The following NEBL variants were observed in gnomAD, a reference collection of about 807,000 sequenced individuals.
NEBL encodes the protein nebulette.
In NEBL, 122 loss-of-function variants were observed where a neutral mutation model predicts 140.2. That is an observed-to-expected ratio of 0.87 (90% CI 0.75 to 1.01). NEBL has a LOEUF of 1.01. NEBL is among the 50% of genes least tolerant of loss of function. NEBL has a pLI of 0.00. For missense variants in NEBL, 1,365 were observed against 1,231.3 expected, an observed-to-expected ratio of 1.11 and a Z score of -1.62; for synonymous variants, 436 against 398.9, an observed-to-expected ratio of 1.09 and a Z score of -1.11.
intron 4 of NEBL, among the ~76,000 whole-genome samples, chr10:20,959,112 A>G (rs537762506): frequency 6.6e-6 from 1 of 152,326 alleles, no homozygotes; most frequent in South Asian, 2.1e-4. Context: ...CAGCTAAGAA[A>G]GAGCCACACA....
chr10:20,800,502 C>A (rs10218859), intron 26 of NEBL, among the ~76,000 whole-genome samples: 1,746 of 152,232 alleles, frequency 0.011, 25 homozygotes, highest in African/African-American at 0.039. Context: ...AGAAGAGGAA[C>A]TGCTGAGTTG....
chr10:20,930,323 A>G (rs1205435853), intron 4 of NEBL, among the ~76,000 whole-genome samples: 3 of 152,144 alleles, frequency 2.0e-5, no homozygotes, highest in Non-Finnish European at 4.4e-5. Context: ...ATCTATCTCC[A>G]AAGCAAAACT....
chr10:21,251,982 A>G (rs1564550080), intron 1 of NEBL, among the ~76,000 whole-genome samples: 1 of 151,652 alleles, frequency 6.6e-6, no homozygotes, highest in Non-Finnish European at 1.5e-5. Context: ...AACCAGCCCC[A>G]CCTCCCAGGA....
chr10:20,807,064 G>A (rs146434756), intron 26 of NEBL, among the ~76,000 whole-genome samples: 302 of 152,252 alleles, frequency 2.0e-3, no homozygotes, highest in African/African-American at 5.4e-3. Context: ...AGTGGCTCAC[G>A]CCTCTGATCC....
chr10:20,798,973 G>A (rs187179910), intron 26 of NEBL, among the ~76,000 whole-genome samples: 422 of 152,144 alleles, frequency 2.8e-3, no homozygotes, highest in Non-Finnish European at 4.9e-3. Context: ...TTCGCTGCCC[G>A]AAACTTTTTC....
intron 12 of NEBL, among the ~76,000 whole-genome samples, chr10:20,844,203 T>C (rs1002814382): frequency 5.3e-5 from 8 of 152,156 alleles, no homozygotes; most frequent in Non-Finnish European, 1.0e-4. Flanking sequence ...ATTTGCTTAT[T>C]AAAGAAGTTC....
chr10:21,054,860 A>C (rs1392177922), intron 2 of NEBL, among the ~76,000 whole-genome samples: 2 of 152,220 alleles, frequency 1.3e-5, no homozygotes, highest in Non-Finnish European at 2.9e-5. Context: ...CAATTTCATG[A>C]AACTTGAGAG....
At chr10:20,905,536 C>G (rs2131444776) in intron 4 of NEBL, among the ~76,000 whole-genome samples, 1 of 152,216 alleles carries the variant, frequency 6.6e-6, no homozygotes, top group Non-Finnish European at 1.5e-5. Flanking sequence ...TGGGAAACTG[C>G]CCCCATGATC....
intron 2 of NEBL, among the ~76,000 whole-genome samples, chr10:21,078,403 A>G (rs560972778): frequency 6.6e-6 from 1 of 152,352 alleles, no homozygotes; most frequent in African/African-American, 2.4e-5. Flanking sequence ...AAAAAACAAA[A>G]AGGTTACAGA....
chr10:21,075,625 G>T (rs1397218644), intron 2 of NEBL, among the ~76,000 whole-genome samples: 1 of 152,192 alleles, frequency 6.6e-6, no homozygotes, highest in African/African-American at 2.4e-5. Flanking sequence ...CAGCGTGGAT[G>T]ATCTGTCTAG....
intron 3 of NEBL, among the ~76,000 whole-genome samples, chr10:21,181,354 GA>G (rs1477342120): frequency 6.7e-6 from 1 of 149,104 alleles, no homozygotes; most frequent in African/African-American, 2.5e-5. Flanking sequence ...AAAATAAACA[GA>G]GATGAAAAAA....
intron 3 of NEBL, among the ~76,000 whole-genome samples, chr10:21,181,973 G>A (rs944312549): frequency 3.3e-5 from 5 of 152,184 alleles, no homozygotes; most frequent in African/African-American, 1.2e-4. Context: ...TGAGGAGGTG[G>A]ACTGGACAGG....
intron 2 of NEBL, among the ~76,000 whole-genome samples, chr10:21,068,987 C>G (rs1279445206): frequency 6.6e-6 from 1 of 152,194 alleles, no homozygotes; most frequent in African/African-American, 2.4e-5. Flanking sequence ...CTCCTGGACT[C>G]AAGCAATCCT....
chr10:20,823,176 A>AT, intron 19 of NEBL, 32 bp downstream of exon 19: 2 of 1,521,692 alleles, frequency 1.3e-6, no homozygotes, highest in Non-Finnish European at 1.8e-6. Flanking sequence ...ATACAATAAA[A>AT]TTTTTAAAAA....
intron 2 of NEBL, among the ~76,000 whole-genome samples, chr10:21,042,352 C>T (rs530607500): frequency 1.3e-5 from 2 of 152,302 alleles, no homozygotes; most frequent in African/African-American, 4.8e-5. Flanking sequence ...CTAGAGTTGG[C>T]TCACACTGGC....
chr10:21,096,010 G>A (rs149364004), intron 2 of NEBL, among the ~76,000 whole-genome samples: 13 of 152,266 alleles, frequency 8.5e-5, no homozygotes, highest in Non-Finnish European at 1.2e-4. Context: ...TCTAACATTC[G>A]AAATGTAACA....
chr10:21,161,035 C>T (rs948410448), intron 2 of NEBL, among the ~76,000 whole-genome samples: 4 of 151,982 alleles, frequency 2.6e-5, no homozygotes, highest in Non-Finnish European at 4.4e-5. Flanking sequence ...GTCAGTGACC[C>T]GTAATCCAGC....
intron 3 of NEBL, among the ~76,000 whole-genome samples, chr10:21,009,351 A>G (rs1010348069): frequency 2.0e-5 from 3 of 152,244 alleles, no homozygotes; most frequent in Non-Finnish European, 4.4e-5. Flanking sequence ...GATGCTTATT[A>G]GATTTATCTT....
intron 2 of NEBL, among the ~76,000 whole-genome samples, chr10:21,111,371 T>C (rs1838005873): frequency 1.3e-5 from 2 of 152,138 alleles, no homozygotes; most frequent in Non-Finnish European, 2.9e-5. Context: ...AAAAACAGGC[T>C]GGTACTGGTA....
Sources: allele counts gnomAD v4.1 joint callset (sites outside exome capture counted in the v4.1 genomes callset), GRCh38; gene constraint gnomAD v4.1.1; transcripts MANE v1.5; gene names NCBI Gene and HGNC (gene_info 2026-07-23, HGNC 2026-07-21).